Variants in SLC25A24 observed in about 807,000 individuals in gnomAD.
SLC25A24 encodes the protein solute carrier family 25 member 24.
In SLC25A24, 49 loss-of-function variants were observed where a neutral mutation model predicts 60.7. That is an observed-to-expected ratio of 0.81 (90% CI 0.64 to 1.02). The LOEUF is 1.02. SLC25A24 is among the 50% of genes least tolerant of loss of function. The pLI is 0.00. For synonymous variants in SLC25A24, 202 were observed against 200.6 expected, an observed-to-expected ratio of 1.01 and a Z score of -0.06; for missense variants, 564 against 586.3, an observed-to-expected ratio of 0.96 and a Z score of 0.39.
chr1:108,174,537 G>A (rs1226392254), intron 3 of SLC25A24, among the ~76,000 whole-genome samples: 1 of 152,204 alleles, frequency 6.6e-6, no homozygotes, highest in Admixed American at 6.5e-5. Flanking sequence ...TGGGGTTGGA[G>A]CCTTCACACA....
intron 4 of SLC25A24, 25 bp downstream of exon 4, chr1:108,161,157 G>A (rs1680068471): frequency 1.6e-6 from 2 of 1,230,782 alleles, no homozygotes; most frequent in African/African-American, 3.0e-5. Flanking sequence ...CTCCAAATAA[G>A]TATAAATACA....
At chr1:108,173,564 T>C (rs1647558313) in intron 3 of SLC25A24, among the ~76,000 whole-genome samples, 1 of 152,190 alleles carries the variant, frequency 6.6e-6, no homozygotes. Flanking sequence ...AAATTGGTAC[T>C]AGGAGTTGGG....
At chr1:108,161,372 GAC>G in intron 3 of SLC25A24, 79 bp from the exon 4 acceptor site, 1 of 756,896 alleles carries the variant, frequency 1.3e-6, no homozygotes, top group Non-Finnish European at 2.3e-6. Flanking sequence ...TTTACAGAAT[GAC>G]AGTTTCTTTT....
intron 5 of SLC25A24, among the ~76,000 whole-genome samples, chr1:108,155,994 G>T (rs1679888297): frequency 6.6e-6 from 1 of 150,972 alleles, no homozygotes; most frequent in Non-Finnish European, 1.5e-5. Flanking sequence ...CTCACAGAAC[G>T]GGTTGAATTC....
intron 4 of SLC25A24, among the ~76,000 whole-genome samples, chr1:108,159,430 G>A (rs1469720727): frequency 1.4e-5 from 2 of 145,202 alleles, no homozygotes; most frequent in African/African-American, 5.1e-5. Flanking sequence ...CTTCTTCCAA[G>A]TTTTCAGAAT....
intron 1 of SLC25A24, chr1:108,192,778 G>C: frequency 7.6e-7 from 1 of 1,318,116 alleles, no homozygotes; most frequent in Admixed American, 3.3e-5. Flanking sequence ...CACCTTCATC[G>C]GTTAAAGCTC....
chr1:108,140,379 G>A (rs560124082), intron 8 of SLC25A24, among the ~76,000 whole-genome samples: 25 of 152,054 alleles, frequency 1.6e-4, no homozygotes, highest in South Asian at 4.2e-4. Context: ...CCACTAGACC[G>A]GCCCTACAAG....
At chr1:108,198,703 A>G (rs1370525664) in intron 1 of SLC25A24, 1 of 152,222 alleles carries the variant, frequency 6.6e-6, no homozygotes, top group Non-Finnish European at 1.5e-5. Flanking sequence ...GCTTTTGTAT[A>G]TTGTAGGGAC....
At position 108,158,817 on chromosome 1, in the gene SLC25A24, C is replaced by T. The variant is rs566586584; in HGVS notation, c.511-1197G>A. Reference sequence around the variant, plus strand: ...GAGATCGAGACCATCCTGGCTAACACGGTGAAACCCCGTCTCTACTAAAAA... The same window carrying T: ...GAGATCGAGACCATCCTGGCTAACATGGTGAAACCCCGTCTCTACTAAAAA... On this transcript the variant is annotated intron_variant, in intron 4 of 9. Coordinates refer to ENST00000565488, the MANE Select transcript of SLC25A24 (RefSeq NM_013386.5). Among the ~76,000 whole-genome samples the T allele has an allele frequency of 4.0e-5, 6 of 151,632 alleles. No individual in the cohort carries two copies. The South Asian group carries it at 6.3e-4, about 16-fold the overall frequency.
rs367768247 is a variant in SLC25A24, at chr1:108,185,969, T to G, written c.184-15A>C. 1.8e-5 allele frequency: 28 copies of G among 1,548,856 alleles called. No individual in the cohort carries two copies. In the African/African-American group the frequency reaches 3.9e-4, roughly 22 times the overall value. On this transcript the variant is annotated splice_polypyrimidine_tract_variant and intron_variant, in intron 1 of 9. Transcript: ENST00000565488. ...GTAAAAATTTTCTATAAAAAAAAAT[T>G]AGAGAGAAGTTATTGCCAATATGGG...
At chr1:108,169,820 G>A (rs567820532) in intron 3 of SLC25A24, among the ~76,000 whole-genome samples, 2 of 152,170 alleles carry the variant, frequency 1.3e-5, no homozygotes, top group African/African-American at 4.8e-5. Context: ...CACCTACTTT[G>A]TCTGTTTTCA....
chr1:108,143,205 T>C (rs1225423927), intron 8 of SLC25A24, among the ~76,000 whole-genome samples: 1 of 152,234 alleles, frequency 6.6e-6, no homozygotes, highest in Non-Finnish European at 1.5e-5. Flanking sequence ...AATGAAACTG[T>C]ATTACTCATG....
Position 108,154,851 on chromosome 1 carries a change from C to T in SLC25A24, c.822+132G>A, listed in dbSNP as rs1454870365. 1.3e-5 allele frequency: 7 copies of T among 550,262 alleles called. No individual in the cohort carries two copies. In the East Asian group the frequency reaches 1.9e-4, roughly 15 times the overall value. 34.1% of individuals were successfully genotyped at this position (550,262 alleles called of 1,614,324 possible). On this transcript the variant is annotated intron_variant, in intron 6 of 9. Transcript: ENST00000565488. ...TTAGTCTAATCTCCTATAAGTGATC[C>T]TCCTTATGGAGTATATGTGAAAGAT...
chr1:108,172,686 C>T (rs1300900361), intron 3 of SLC25A24, among the ~76,000 whole-genome samples: 2 of 152,126 alleles, frequency 1.3e-5, no homozygotes, highest in African/African-American at 4.8e-5. Flanking sequence ...ATATCCAAAC[C>T]ATATTAAGCA....
At chr1:108,153,664 A>G (rs1196561211) in intron 6 of SLC25A24, among the ~76,000 whole-genome samples, 1 of 152,180 alleles carries the variant, frequency 6.6e-6, no homozygotes, top group Non-Finnish European at 1.5e-5. Context: ...CTGTGTAGAC[A>G]GCTTTCTCTT....
At chr1:108,145,588 TA>T (rs560584120) in intron 7 of SLC25A24, among the ~76,000 whole-genome samples, 5,328 of 151,122 alleles carry the variant, frequency 0.035, 135 homozygotes, top group Non-Finnish European at 0.051. Context: ...ATTTTTTTTT[TA>T]TAAGGTGTAA....
rs535896569 is a variant in SLC25A24 at position 108,186,019 on chromosome 1, C to T, written c.184-65G>A. 3.9e-4 allele frequency: 503 copies of T among 1,293,104 alleles called. 4 individuals are homozygous for T. Among genetic ancestry groups the T allele is most frequent in the South Asian group, 1.6e-3 (114 of 69,276 alleles). 80.1% of individuals were successfully genotyped at this position (1,293,104 alleles called of 1,614,324 possible). A position where few individuals can be genotyped will look rare whatever the true frequency, so the allele number is the denominator to read the frequency against. On this transcript the variant is annotated intron_variant, in intron 1 of 9. Transcript: ENST00000565488. ...GCTGATGCACTAAATTATTTCTACA[C>T]ATATTTCAAGCAGATTAGCTGTTTT...
intron 3 of SLC25A24, among the ~76,000 whole-genome samples, chr1:108,175,608 T>G (rs543425620): frequency 1.3e-5 from 2 of 152,168 alleles, no homozygotes; most frequent in East Asian, 3.9e-4. Flanking sequence ...GAGGATCAAT[T>G]GAGCCAGGGA....
At chr1:108,185,421 T>G (rs575514837) in intron 2 of SLC25A24, among the ~76,000 whole-genome samples, 1 of 152,320 alleles carries the variant, frequency 6.6e-6, no homozygotes, top group East Asian at 1.9e-4. Context: ...AATCTGAAAG[T>G]TTTTTAAATT....
Sources: allele counts gnomAD v4.1 joint callset (sites outside exome capture counted in the v4.1 genomes callset), GRCh38; gene constraint gnomAD v4.1.1; transcripts MANE v1.5; gene names NCBI Gene and HGNC (gene_info 2026-07-23, HGNC 2026-07-21).